The following RWDD4 variants were observed in gnomAD, a reference collection of about 807,000 sequenced individuals.
RWDD4 encodes RWD domain containing 4, also known as RWD domain-containing protein 4.
Under a neutral mutation model 30.0 loss-of-function variants are expected in RWDD4, and 16 were observed. The observed-to-expected ratio is 0.53, with a 90% CI of 0.36 to 0.81. RWDD4 has a LOEUF of 0.81. Ranked by LOEUF, RWDD4 falls within the 30% of genes least tolerant of loss-of-function variation. The probability of loss-of-function intolerance (pLI) is 0.00; values close to 1 mark genes in which losing one functional copy is unlikely to be tolerated. For synonymous variants in RWDD4, 45 were observed against 72.1 expected (o/e 0.62, Z 1.90); for missense variants, 170 against 223.9 (o/e 0.76, Z 1.54).
rs144908367 is a variant in RWDD4, at chr4:183,651,021, T to C, written c.326A>G (p.Glu109Gly). 1 of 1,612,640 alleles carries C rather than the reference T, an allele frequency of 6.2e-7. No homozygotes were observed. Among genetic ancestry groups the C allele is most frequent in the African/African-American group, 1.3e-5 (1 of 74,890 alleles). ...GGGATTGTGATTCTCCATGAACTGC[T>C]CTTTATTGTCTTTGGCATATTCAAA... ...TLFEYAKDNK[E>G]QFMENHNPIN... Residue 109 changes from glutamate (E) to glycine (G), a missense_variant, in exon 4 of 8, where the codon GAG (glutamate) becomes GGG (glycine). Physicochemically the swap from Glu to Gly is moderately conservative, Grantham distance 98. Transcript: ENST00000326397.
At chr4:183,654,265 A>G (rs1196194709) in intron 2 of RWDD4, among the ~76,000 whole-genome samples, 1 of 152,210 alleles carries the variant, frequency 6.6e-6, no homozygotes, top group Non-Finnish European at 1.5e-5. Context: ...GAACCCAGAG[A>G]AAAACATTTT....
intron 4 of RWDD4, among the ~76,000 whole-genome samples, chr4:183,650,217 C>G (rs1295691826): frequency 6.6e-6 from 1 of 152,194 alleles, no homozygotes; most frequent in South Asian, 2.1e-4. Context: ...CCGAAAGTCA[C>G]AGAGTTGGTG....
At chr4:183,651,697 A>G (rs1229067447) in intron 2 of RWDD4, among the ~76,000 whole-genome samples, 2 of 152,224 alleles carry the variant, frequency 1.3e-5, no homozygotes, top group Non-Finnish European at 2.9e-5. Flanking sequence ...AATAATTCAC[A>G]AACTCGACAC....
chr4:183,657,482 G>A (rs1734223079), intron 1 of RWDD4, among the ~76,000 whole-genome samples: 1 of 152,172 alleles, frequency 6.6e-6, no homozygotes, highest in African/African-American at 2.4e-5. Flanking sequence ...AATCCAAAAA[G>A]TCTTTGAAAA....
In RWDD4 at chr4:183,644,209, T is replaced by G. The variant is rs139408260; in HGVS notation, c.534+2142A>C. Among the ~76,000 whole-genome samples the G allele has an allele frequency of 3.6e-3, 547 of 152,328 alleles. 3 individuals are homozygous for G. Among genetic ancestry groups the G allele is most frequent in the African/African-American group, 0.013 (522 of 41,570 alleles). ...GGAGGAAAGAATGAATTTAGCTGGT[T>G]AGGCTATATGTTGGTATATGTAGGA... On this transcript the variant is annotated intron_variant, in intron 7 of 7. Coordinates refer to ENST00000326397, the MANE Select transcript of RWDD4 (RefSeq NM_152682.4).
intron 2 of RWDD4, 118 bp from the exon 3 acceptor site, chr4:183,651,445 A>C: frequency 3.7e-6 from 3 of 805,040 alleles, no homozygotes; most frequent in Non-Finnish European, 6.1e-6. Flanking sequence ...GAAATGTAAT[A>C]TTTTGAAAAG....
intron 5 of RWDD4, among the ~76,000 whole-genome samples, chr4:183,647,961 C>T (rs1392486153): frequency 6.6e-6 from 1 of 152,122 alleles, no homozygotes; most frequent in Non-Finnish European, 1.5e-5. Context: ...AGGCCCTCAC[C>T]AGGCCGGATG....
intron 5 of RWDD4, 145 bp from the exon 6 acceptor site, chr4:183,646,682 T>A (rs1295230318): frequency 4.4e-6 from 3 of 675,448 alleles, no homozygotes; most frequent in Non-Finnish European, 7.2e-6. Context: ...TTTATCATTA[T>A]GAATCGATAC....
chr4:183,646,367 A>G lies in RWDD4; in HGVS notation c.532-14T>C. 8.1e-7 allele frequency: 1 copy of G among 1,229,858 alleles called. No individual in the cohort carries two copies. Among genetic ancestry groups the G allele is most frequent in the Non-Finnish European group, 1.2e-6 (1 of 831,208 alleles). 76.2% of individuals were successfully genotyped at this position (1,229,858 alleles called of 1,614,324 possible). On this transcript the variant is annotated splice_polypyrimidine_tract_variant and intron_variant, in intron 6 of 7. Transcript: ENST00000326397. ...AATACTTACATGCTGAATGTAAAAA[A>G]GGAAACAGACATCCCAGTGAATTCC...
intron 7 of RWDD4, among the ~76,000 whole-genome samples, chr4:183,645,597 T>C (rs921166690): frequency 6.6e-5 from 6 of 91,230 alleles, no homozygotes; most frequent in African/African-American, 1.4e-4. Flanking sequence ...TATCTGTCTC[T>C]GCAAAAAAAA....
chr4:183,655,406 C>T (rs190567062), intron 2 of RWDD4, among the ~76,000 whole-genome samples: 5 of 151,628 alleles, frequency 3.3e-5, no homozygotes, highest in African/African-American at 4.8e-5. Context: ...CTCAGCCTCC[C>T]GAGTAGCTGG....
chr4:183,652,106 A>T (rs2111244729), intron 2 of RWDD4, among the ~76,000 whole-genome samples: 2 of 152,298 alleles, frequency 1.3e-5, no homozygotes, highest in South Asian at 4.1e-4. Flanking sequence ...ATGTGAGTAA[A>T]GTATCTTAAG....
intron 5 of RWDD4, among the ~76,000 whole-genome samples, chr4:183,647,506 C>T (rs150684255): frequency 2.0e-5 from 3 of 152,228 alleles, no homozygotes; most frequent in Admixed American, 2.0e-4. Flanking sequence ...CGTGGCTGTC[C>T]CATTAAAATT....
chr4:183,650,356 T>C (rs984811253), intron 4 of RWDD4, among the ~76,000 whole-genome samples: 11 of 152,150 alleles, frequency 7.2e-5, no homozygotes, highest in African/African-American at 2.4e-4. Context: ...CCAAAACCAC[T>C]TGCACAGAAG....
intron 7 of RWDD4, 25 bp downstream of exon 7, chr4:183,646,326 T>A (rs571458626): frequency 1.1e-6 from 1 of 906,914 alleles, no homozygotes; most frequent in Non-Finnish European, 1.8e-6. Context: ...AAGAAGAATG[T>A]AAAAGGTATT....
In RWDD4 at chr4:183,659,059, T is replaced by C; in HGVS notation, c.-107A>G. On this transcript the variant is annotated 5_prime_UTR_variant, in exon 1 of 8. Coordinates refer to ENST00000326397, the MANE Select transcript of RWDD4 (RefSeq NM_152682.4). ...GCGTCCCCCTTTCGCGCCTCGGCTG[T>C]GGGGGCGGCACAGTCTTGGCACTGG... 1 of 859,836 alleles carries C rather than the reference T, an allele frequency of 1.2e-6. No homozygotes were observed. The highest frequency in any genetic ancestry group is 6.0e-5 in the South Asian group (1 of 16,770). The allele number at this position is 859,836 out of a possible 1,614,324, so 53.3% of individuals were successfully genotyped here. A position where few individuals can be genotyped will look rare whatever the true frequency, so the allele number is the denominator to read the frequency against.
At chr4:183,651,428 C>T (rs780762417) in intron 2 of RWDD4, 101 bp from the exon 3 acceptor site, 139 of 874,798 alleles carry the variant, frequency 1.6e-4, no homozygotes, top group Non-Finnish European at 1.8e-4. Context: ...TACTCATGCT[C>T]AGATCAGAAA....
chr4:183,650,275 T>G (rs1473151810), intron 4 of RWDD4, among the ~76,000 whole-genome samples: 7 of 152,130 alleles, frequency 4.6e-5, no homozygotes, highest in Non-Finnish European at 1.0e-4. Context: ...GAGTCCATGA[T>G]CTTAGCTACC....
At chr4:183,643,754 T>A (rs1011357224) in intron 7 of RWDD4, among the ~76,000 whole-genome samples, 2 of 151,896 alleles carry the variant, frequency 1.3e-5, no homozygotes, top group African/African-American at 4.8e-5. Flanking sequence ...CCATCTCTAC[T>A]AAAAAATACC....
Sources: allele counts gnomAD v4.1 joint callset (sites outside exome capture counted in the v4.1 genomes callset), GRCh38; gene constraint gnomAD v4.1.1; transcripts MANE v1.5; gene names NCBI Gene and HGNC (gene_info 2026-07-23, HGNC 2026-07-21).